The following ATE1 variants were observed in gnomAD, a reference collection of about 807,000 sequenced individuals.
ATE1 encodes arginyl-tRNA--protein transferase 1.
ATE1 carries 36 observed loss-of-function variants against 70.5 expected under a neutral mutation model. The observed-to-expected ratio is 0.51, with a 90% CI of 0.39 to 0.67. The LOEUF (loss-of-function observed/expected upper bound fraction) is 0.67, where lower values mean the gene tolerates loss of function less well. Ranked by LOEUF, ATE1 falls within the 30% of genes least tolerant of loss-of-function variation. The pLI is 0.00. For synonymous variants in ATE1, 232 were observed against 219.3 expected, an observed-to-expected ratio of 1.06 and a Z score of -0.51; for missense variants, 593 against 629.5, an observed-to-expected ratio of 0.94 and a Z score of 0.62.
At chr10:121,744,660 T>C (rs1590194223) in intron 11 of ATE1, among the ~76,000 whole-genome samples, 2 of 152,308 alleles carry the variant, frequency 1.3e-5, no homozygotes, top group African/African-American at 4.8e-5. Flanking sequence ...GGCAGGTTCC[T>C]ACAGCTTTCA....
At chr10:121,753,203 A>T (rs1041715875) in intron 11 of ATE1, among the ~76,000 whole-genome samples, 1 of 152,196 alleles carries the variant, frequency 6.6e-6, no homozygotes, top group African/African-American at 2.4e-5. Context: ...TTTATTTGAT[A>T]GTTCTTTACA....
rs567285424 is a variant in ATE1, at chr10:121,840,689, C to T, written c.1157+393G>A. Among the ~76,000 whole-genome samples, 112 of 151,496 alleles carry T rather than the reference C, an allele frequency of 7.4e-4. 1 individual carries two copies. The South Asian group carries it at 0.019, about 26-fold the overall frequency. ...TTCTAAAGATAGTACCTTATAAATA[C>T]AATATAAAAGTACTAGAGATTATAG... On this transcript the variant is annotated intron_variant, in intron 9 of 11. Transcript: ENST00000224652.
chr10:121,809,307 TA>T (rs112142875), intron 10 of ATE1, among the ~76,000 whole-genome samples: 430 of 143,460 alleles, frequency 3.0e-3, no homozygotes, highest in Middle Eastern at 3.5e-3. Context: ...TTTTTTCAAG[TA>T]AAAAAAAAAA....
chr10:121,820,234 C>G (rs1256575776), intron 10 of ATE1, among the ~76,000 whole-genome samples: 1 of 152,118 alleles, frequency 6.6e-6, no homozygotes, highest in Non-Finnish European at 1.5e-5. Flanking sequence ...TGTCACCTAA[C>G]AATATGATGA....
intron 11 of ATE1, among the ~76,000 whole-genome samples, chr10:121,756,872 G>A (rs1227362629): frequency 6.6e-6 from 1 of 152,160 alleles, no homozygotes; most frequent in African/African-American, 2.4e-5. Context: ...ATAACCTGGA[G>A]ATATTTTCCC....
intron 3 of ATE1, among the ~76,000 whole-genome samples, chr10:121,916,208 C>A (rs191146313): frequency 2.6e-5 from 4 of 152,068 alleles, no homozygotes; most frequent in African/African-American, 9.7e-5. Flanking sequence ...GCCTGGGAAA[C>A]AGAGCGAGAC....
intron 4 of ATE1, 75 bp downstream of exon 4, chr10:121,913,715 C>T: frequency 9.9e-7 from 1 of 1,014,536 alleles, no homozygotes; most frequent in Non-Finnish European, 1.5e-6. Flanking sequence ...TGACCCTTCC[C>T]CTTCCCAAGA....
At chr10:121,770,271 C>CACACACAG (rs1217713182) in intron 11 of ATE1, among the ~76,000 whole-genome samples, 1 of 151,100 alleles carries the variant, frequency 6.6e-6, no homozygotes, top group African/African-American at 2.4e-5. Flanking sequence ...CACACACACA[C>CACACACAG]ACAGACATAC....
At chr10:121,858,203 G>A (rs1949319282) in intron 8 of ATE1, among the ~76,000 whole-genome samples, 1 of 152,102 alleles carries the variant, frequency 6.6e-6, no homozygotes, top group South Asian at 2.1e-4. Flanking sequence ...AAGTGGAATT[G>A]CCAGATGACA....
chr10:121,919,516 G>A (rs775822869), intron 3 of ATE1, among the ~76,000 whole-genome samples: 24 of 152,074 alleles, frequency 1.6e-4, no homozygotes, highest in Non-Finnish European at 3.2e-4. Flanking sequence ...AGCCGAGATA[G>A]CACCACTGCA....
At chr10:121,913,286 G>A (rs1045989170) in intron 4 of ATE1, among the ~76,000 whole-genome samples, 3 of 152,192 alleles carry the variant, frequency 2.0e-5, no homozygotes, top group East Asian at 1.9e-4. Context: ...TTTTAGCAAA[G>A]CCACTCACAA....
chr10:121,909,644 A>G (rs1336498657), intron 5 of ATE1, among the ~76,000 whole-genome samples: 1 of 152,182 alleles, frequency 6.6e-6, no homozygotes, highest in Non-Finnish European at 1.5e-5. Flanking sequence ...TTGAATAACG[A>G]TTTTTTAAAT....
chr10:121,849,188 G>A (rs1323625116), intron 8 of ATE1, among the ~76,000 whole-genome samples: 1 of 146,526 alleles, frequency 6.8e-6, no homozygotes, highest in East Asian at 2.1e-4. Flanking sequence ...TCCAGCCTGG[G>A]TGACAGGATC....
At chr10:121,909,317 T>C (rs2134409496) in intron 5 of ATE1, among the ~76,000 whole-genome samples, 1 of 152,260 alleles carries the variant, frequency 6.6e-6, no homozygotes, top group South Asian at 2.1e-4. Context: ...ATATCAACAA[T>C]CACAATATGT....
At chr10:121,802,946 C>T (rs968584555) in intron 10 of ATE1, among the ~76,000 whole-genome samples, 1 of 152,112 alleles carries the variant, frequency 6.6e-6, no homozygotes, top group African/African-American at 2.4e-5. Flanking sequence ...ATGATAAATG[C>T]TATGAAGAAA....
At chr10:121,766,119 T>C (rs978371005) in intron 11 of ATE1, among the ~76,000 whole-genome samples, 1 of 152,236 alleles carries the variant, frequency 6.6e-6, no homozygotes, top group African/African-American at 2.4e-5. Context: ...TAGTAAGCAG[T>C]ATTAGAAGGA....
At chr10:121,743,922 T>C in intron 11 of ATE1, 64 bp from the exon 12 acceptor site, 4 of 1,372,692 alleles carry the variant, frequency 2.9e-6, no homozygotes, top group Middle Eastern at 2.0e-4. Context: ...TTTCCTTTTT[T>C]TTTTTTTTTT....
At chr10:121,755,591 G>A (rs978290604) in intron 11 of ATE1, among the ~76,000 whole-genome samples, 1 of 152,198 alleles carries the variant, frequency 6.6e-6, no homozygotes, top group Non-Finnish European at 1.5e-5. Context: ...ACAAAAGAAA[G>A]AGGCTTAATT....
intron 11 of ATE1, among the ~76,000 whole-genome samples, chr10:121,762,695 G>T (rs1195913959): frequency 6.6e-6 from 1 of 152,206 alleles, no homozygotes. Flanking sequence ...GTTCCACTTT[G>T]TGCCCTGAGC....
Sources: allele counts gnomAD v4.1 joint callset (sites outside exome capture counted in the v4.1 genomes callset), GRCh38; gene constraint gnomAD v4.1.1; transcripts MANE v1.5; gene names NCBI Gene and HGNC (gene_info 2026-07-23, HGNC 2026-07-21).